Variants in DNM3 observed in about 807,000 individuals in gnomAD.
DNM3 encodes the protein dynamin-3.
A neutral mutation model predicts 101.6 loss-of-function variants in DNM3; 47 were observed. That is an observed-to-expected ratio of 0.46 (90% CI 0.37 to 0.59). The LOEUF (loss-of-function observed/expected upper bound fraction) is 0.59. Ranked by LOEUF, DNM3 falls within the 20% of genes least tolerant of loss-of-function variation. The pLI is 0.00. For synonymous variants in DNM3, 385 were observed against 387.9 expected (o/e 0.99, Z 0.09); for missense variants, 849 against 1,085.7 (o/e 0.78, Z 3.06).
At chr1:171,913,786 T>A (rs919720685) in intron 1 of DNM3, among the ~76,000 whole-genome samples, 1 of 152,106 alleles carries the variant, frequency 6.6e-6, no homozygotes, top group African/African-American at 2.4e-5. Flanking sequence ...AGGAATTATT[T>A]TGGTGCACAG....
At chr1:172,248,239 A>G (rs1410107003) in intron 14 of DNM3, among the ~76,000 whole-genome samples, 1 of 152,174 alleles carries the variant, frequency 6.6e-6, no homozygotes, top group Non-Finnish European at 1.5e-5. Flanking sequence ...TTTAAAATCA[A>G]TCTTTGAAGC....
chr1:172,059,800 C>T (rs2051005286), intron 10 of DNM3, among the ~76,000 whole-genome samples: 1 of 141,642 alleles, frequency 7.1e-6, no homozygotes, highest in Non-Finnish European at 1.5e-5. Context: ...CAGGGATGCC[C>T]TCTCTCACCA....
chr1:172,181,619 G>A (rs2059349769), intron 14 of DNM3, among the ~76,000 whole-genome samples: 1 of 151,920 alleles, frequency 6.6e-6, no homozygotes, highest in Admixed American at 6.6e-5. Context: ...CTAAACTGGT[G>A]CCCAGCTCCA....
chr1:172,331,804 A>G (rs1015682100), intron 17 of DNM3, among the ~76,000 whole-genome samples: 2 of 152,196 alleles, frequency 1.3e-5, no homozygotes, highest in Non-Finnish European at 2.9e-5. Context: ...TACTACTGTC[A>G]AAGTTTGATG....
intron 17 of DNM3, among the ~76,000 whole-genome samples, chr1:172,367,380 G>A (rs2149028006): frequency 6.6e-6 from 1 of 151,916 alleles, no homozygotes; most frequent in East Asian, 1.9e-4. Context: ...GAAGCAAAAG[G>A]ATGATAATTC....
chr1:172,120,218 T>C (rs1268187076), intron 13 of DNM3, among the ~76,000 whole-genome samples: 1 of 152,134 alleles, frequency 6.6e-6, no homozygotes, highest in African/African-American at 2.4e-5. Flanking sequence ...AGAAGGCAAA[T>C]GAGGTTCAAA....
chr1:171,929,849 G>A (rs763920601), intron 2 of DNM3, among the ~76,000 whole-genome samples: 5 of 152,328 alleles, frequency 3.3e-5, no homozygotes, highest in East Asian at 1.9e-4. Flanking sequence ...CCACATTTTC[G>A]TAGAGCAGCT....
intron 2 of DNM3, among the ~76,000 whole-genome samples, chr1:171,966,450 A>G (rs1380474492): frequency 5.3e-5 from 8 of 152,222 alleles, no homozygotes; most frequent in Admixed American, 4.6e-4. Flanking sequence ...TTATATTCTC[A>G]GAAGTGTTAA....
intron 6 of DNM3, among the ~76,000 whole-genome samples, chr1:172,035,596 C>T (rs1558460310): frequency 1.3e-5 from 2 of 152,228 alleles, no homozygotes; most frequent in South Asian, 2.1e-4. Flanking sequence ...TTTAGAAAGC[C>T]GCAGTATTGC....
At chr1:172,164,863 G>A (rs954660070) in intron 14 of DNM3, among the ~76,000 whole-genome samples, 1 of 151,880 alleles carries the variant, frequency 6.6e-6, no homozygotes, top group Non-Finnish European at 1.5e-5. Flanking sequence ...ATCAGACATG[G>A]TAACCCTAGG....
intron 4 of DNM3, among the ~76,000 whole-genome samples, chr1:171,990,372 A>C (rs1302983496): frequency 6.6e-6 from 1 of 152,120 alleles, no homozygotes; most frequent in Non-Finnish European, 1.5e-5. Flanking sequence ...AACTGTGCTG[A>C]GAGTTGACCA....
At position 172,283,780 on chromosome 1, in the gene DNM3, A is replaced by AAAAAAAAAAAAAAAAAAAGAAAG. The variant is rs1553221113; in HGVS notation, c.1770-24945_1770-24944insAAAAAAAAAAAAAAAGAAAGAAA. On this transcript the variant is annotated intron_variant, in intron 15 of 20. Transcript: ENST00000627582. ...ATCTCAAAAAAAAAAAAAAAAAAAAAAAAGAAAGAAAGAAAGAAAACCAAG... is the reference window on the plus strand; with the variant it reads ...ATCTCAAAAAAAAAAAAAAAAAAAAAAAAAAAAAAAAAAAAAAAGAAAGAAAGAAAGAAAGAAAGAAAACCAAG... Among the ~76,000 whole-genome samples the AAAAAAAAAAAAAAAAAAAGAAAG allele has an allele frequency of 2.5e-5, 3 of 119,114 alleles. 1 individual carries two copies. The highest frequency in any genetic ancestry group is 3.4e-5 in the Non-Finnish European group (2 of 58,530). 78.1% of individuals were successfully genotyped at this position (119,114 alleles called of 152,430 possible). A position where few individuals can be genotyped will look rare whatever the true frequency, so the allele number is the denominator to read the frequency against.
intron 13 of DNM3, among the ~76,000 whole-genome samples, chr1:172,118,194 T>C (rs141155056): frequency 6.6e-6 from 1 of 152,298 alleles, no homozygotes; most frequent in African/African-American, 2.4e-5. Context: ...GCATGCATTT[T>C]TCCCTAGAAC....
chr1:172,016,331 A>G (rs2047450792), intron 4 of DNM3, among the ~76,000 whole-genome samples: 1 of 152,118 alleles, frequency 6.6e-6, no homozygotes, highest in South Asian at 2.1e-4. Context: ...GAATTTTGTC[A>G]ATTTTTTCTG....
intron 1 of DNM3, among the ~76,000 whole-genome samples, chr1:171,903,283 T>G (rs1418838043): frequency 6.6e-6 from 1 of 152,196 alleles, no homozygotes; most frequent in Non-Finnish European, 1.5e-5. Context: ...AAATGTTGTA[T>G]GTATATAGTT....
chr1:171,986,952 C>T (rs2125612428), intron 2 of DNM3, among the ~76,000 whole-genome samples: 1 of 152,168 alleles, frequency 6.6e-6, no homozygotes, highest in Admixed American at 6.5e-5. Context: ...ATTGATAATA[C>T]ACCAGCTTGT....
chr1:172,042,069 A>G lies in DNM3; in HGVS notation c.1053A>G (p.Val351=). The change falls in exon 8 of 21, where the codon GTA becomes GTG. Residue 351 remains valine (V), a synonymous_variant. Coordinates refer to ENST00000627582, the MANE Select transcript of DNM3 (RefSeq NM_015569.5). ...EKRIEGSGDQ[V]DTLELSGGAK... ...GAATTGAAGGGTCAGGGGATCAAGT[A>G]GATACCCTGGAACTCTCAGGTGGTG... 2 of 1,610,866 alleles carry G rather than the reference A, an allele frequency of 1.2e-6. No individual in the cohort carries two copies. The highest frequency in any genetic ancestry group is 1.3e-5 in the African/African-American group (1 of 74,900).
intron 1 of DNM3, among the ~76,000 whole-genome samples, chr1:171,883,976 T>C (rs993426088): frequency 1.8e-4 from 27 of 152,196 alleles, no homozygotes; most frequent in African/African-American, 5.3e-4. Flanking sequence ...TGCCACACTA[T>C]CTGTGGTGAC....
intron 17 of DNM3, among the ~76,000 whole-genome samples, chr1:172,378,482 G>T (rs548240873): frequency 6.6e-6 from 1 of 150,618 alleles, no homozygotes; most frequent in East Asian, 2.0e-4. Context: ...GTGCATGGAA[G>T]AATAAATTAT....
Sources: allele counts gnomAD v4.1 joint callset (sites outside exome capture counted in the v4.1 genomes callset), GRCh38; gene constraint gnomAD v4.1.1; transcripts MANE v1.5; gene names NCBI Gene and HGNC (gene_info 2026-07-23, HGNC 2026-07-21).